Variants in LUC7L2 observed in about 807,000 individuals in gnomAD.
The protein encoded by LUC7L2 is LUC7 like 2, pre-mRNA splicing factor, also known as putative RNA-binding protein Luc7-like 2.
LUC7L2 carries 25 observed loss-of-function variants against 52.8 expected under a neutral mutation model. The observed-to-expected ratio is 0.47, with a 90% CI of 0.34 to 0.66. The LOEUF (loss-of-function observed/expected upper bound fraction) is 0.66. Ranked by LOEUF, LUC7L2 falls within the 30% of genes least tolerant of loss-of-function variation. The probability of loss-of-function intolerance (pLI) is 0.01; values close to 1 mark genes in which losing one functional copy is unlikely to be tolerated. For missense variants in LUC7L2, 328 were observed against 497.8 expected, an observed-to-expected ratio of 0.66 and a Z score of 3.25; for synonymous variants, 144 against 160.9, an observed-to-expected ratio of 0.89 and a Z score of 0.80.
At chr7:139,395,228 G>A (rs1794608323) in intron 2 of LUC7L2, among the ~76,000 whole-genome samples, 1 of 152,212 alleles carries the variant, frequency 6.6e-6, no homozygotes, top group Non-Finnish European at 1.5e-5. Flanking sequence ...GACAATGACA[G>A]CATCCTTCTG....
At chr7:139,360,629 TG>T (rs1799827856) in intron 1 of LUC7L2, among the ~76,000 whole-genome samples, 2 of 152,118 alleles carry the variant, frequency 1.3e-5, no homozygotes, top group Non-Finnish European at 2.9e-5. Flanking sequence ...GTTGCGTAGT[TG>T]GGGGGCCCGT....
chr7:139,391,083 G>A (rs866546103), intron 2 of LUC7L2, among the ~76,000 whole-genome samples: 1 of 152,074 alleles, frequency 6.6e-6, no homozygotes, highest in African/African-American at 2.4e-5. Flanking sequence ...TCAGTTGTCT[G>A]CATTTTTAAA....
At chr7:139,372,277 G>A (rs1800492423) in intron 1 of LUC7L2, among the ~76,000 whole-genome samples, 2 of 151,692 alleles carry the variant, frequency 1.3e-5, no homozygotes, top group African/African-American at 4.8e-5. Flanking sequence ...TAAAAATTTG[G>A]ATTAAAAAAT....
At chr7:139,399,048 C>G (rs1201638882) in intron 3 of LUC7L2, among the ~76,000 whole-genome samples, 1 of 149,318 alleles carries the variant, frequency 6.7e-6, no homozygotes, top group East Asian at 1.9e-4. Flanking sequence ...TTTTTACATT[C>G]ATATTTATTT....
intron 8 of LUC7L2, 128 bp downstream of exon 8, chr7:139,412,708 A>G (rs941810574): frequency 5.3e-6 from 6 of 1,128,924 alleles, no homozygotes; most frequent in Non-Finnish European, 7.3e-6. Context: ...CATGCTTGTA[A>G]TCCCAGCTAC....
intron 4 of LUC7L2, 28 bp downstream of exon 4, chr7:139,402,275 C>T (rs762093230): frequency 2.6e-6 from 4 of 1,547,198 alleles, no homozygotes; most frequent in Non-Finnish European, 2.6e-6. Flanking sequence ...TTCATTAGTA[C>T]AAAGTATTAT....
chr7:139,417,754 A>G lies in LUC7L2; in HGVS notation c.1001+25A>G, dbSNP rs1278977926. Reference sequence around the variant, plus strand: ...GGTATTGATGTGTCAATCAGAGGATATGGAGCTACCTTAATGTTTTAGAGT... The same window carrying G: ...GGTATTGATGTGTCAATCAGAGGATGTGGAGCTACCTTAATGTTTTAGAGT... On this transcript the variant is annotated intron_variant, in intron 9 of 9. Coordinates refer to ENST00000354926, the MANE Select transcript of LUC7L2 (RefSeq NM_016019.5). 4.4e-6 allele frequency: 7 copies of G among 1,604,690 alleles called. No individual in the cohort carries two copies. In the African/African-American group the frequency reaches 8.0e-5, roughly 18 times the overall value.
chr7:139,412,701 G>C, intron 8 of LUC7L2, 121 bp downstream of exon 8: 4 of 1,183,808 alleles, frequency 3.4e-6, no homozygotes, highest in Non-Finnish European at 4.6e-6. Flanking sequence ...GGTGATGCAT[G>C]CTTGTAATCC....
intron 5 of LUC7L2, among the ~76,000 whole-genome samples, chr7:139,406,541 A>AT (rs1795122211): frequency 1.3e-5 from 2 of 151,622 alleles, no homozygotes; most frequent in East Asian, 3.9e-4. Context: ...TTTAGTAGAG[A>AT]TAGGCTTTCA....
chr7:139,415,652 C>T (rs1312173147), intron 8 of LUC7L2, among the ~76,000 whole-genome samples: 2 of 147,590 alleles, frequency 1.4e-5, no homozygotes, highest in Non-Finnish European at 3.0e-5. Flanking sequence ...GCCACCATGT[C>T]CAGCTAATTT....
intron 3 of LUC7L2, among the ~76,000 whole-genome samples, chr7:139,399,504 C>T (rs1794807425): frequency 9.2e-6 from 1 of 108,680 alleles, no homozygotes; most frequent in East Asian, 3.4e-4. Flanking sequence ...GAGTCTCGCT[C>T]TGTAGCCCAG....
chr7:139,393,883 T>TAGGTCCCTGAAG (rs1274036421), intron 2 of LUC7L2, among the ~76,000 whole-genome samples: 5 of 152,226 alleles, frequency 3.3e-5, no homozygotes, highest in Non-Finnish European at 7.3e-5. Flanking sequence ...ACTGTCCCAC[T>TAGGTCCCTGAAG]AGGTCCCTGA....
chr7:139,374,681 T>G, intron 1 of LUC7L2: 1 of 1,303,660 alleles, frequency 7.7e-7, no homozygotes, highest in Non-Finnish European at 9.8e-7. Context: ...TCATTTTAAC[T>G]ATAAATTACT....
At position 139,414,072 on chromosome 7, in the gene LUC7L2, C is replaced by A. The variant is rs1459454616; in HGVS notation, c.809+1492C>A. On this transcript the variant is annotated intron_variant, in intron 8 of 9. Transcript: ENST00000354926. ...GAAATTTAATTTCTATTCCTCTAGTCCTGTTACCTAGATAATATGTTTGCC... is the reference window on the plus strand; with the variant it reads ...GAAATTTAATTTCTATTCCTCTAGTACTGTTACCTAGATAATATGTTTGCC... Among the ~76,000 whole-genome samples the A allele has an allele frequency of 5.9e-5, 9 of 152,158 alleles. 1 individual carries two copies. Among genetic ancestry groups the A allele is most frequent in the Admixed American group, 5.9e-4 (9 of 15,274 alleles).
upstream of LUC7L2, chr7:139,359,659 A>G (rs773600370): frequency 5.3e-5 from 21 of 397,650 alleles, no homozygotes; most frequent in Non-Finnish European, 7.5e-5. Context: ...CCAGCCCTAC[A>G]GCCGGGAGGG....
chr7:139,374,995 C>T, intron 1 of LUC7L2: 1 of 985,532 alleles, frequency 1.0e-6, no homozygotes, highest in Non-Finnish European at 1.2e-6. Flanking sequence ...ACCAATAGTT[C>T]TTGCTTCAGT....
chr7:139,351,244 C>CAATGTGTGCA (rs1369140011), intron 1 of LUC7L2, among the ~76,000 whole-genome samples: 1 of 152,178 alleles, frequency 6.6e-6, no homozygotes, highest in African/African-American at 2.4e-5. Flanking sequence ...ATCTCAAATT[C>CAATGTGTGCA]AATGTGTGCG....
Position 139,360,251 on chromosome 7 carries a change from ACGCCGCCGCCATGTCGG to A in LUC7L2, c.-7_10del, listed in dbSNP as rs1311327892. 6.5e-7 allele frequency: 1 copy of A among 1,549,190 alleles called. No homozygotes were observed. The highest frequency in any genetic ancestry group is 8.7e-7 in the Non-Finnish European group (1 of 1,148,032). On this transcript the variant is annotated start_lost and 5_prime_UTR_variant, in exon 1 of 10. Coordinates refer to ENST00000354926, the MANE Select transcript of LUC7L2 (RefSeq NM_016019.5). The stretch of plus-strand genomic sequence containing the variant: ...CCCCACCCCCGCCCGTCCGCCCGCT[ACGCCGCCGCCATGTCGG>A]CGCAGGCCCAGATGCGCGCGATGCT...
chr7:139,394,892 C>G (rs1794594085), intron 2 of LUC7L2, among the ~76,000 whole-genome samples: 1 of 152,152 alleles, frequency 6.6e-6, no homozygotes, highest in Admixed American at 6.6e-5. Context: ...GGGACTAAAA[C>G]TAGATCAGTG....
Sources: gnomAD v4.1 joint callset for allele counts (sites outside exome capture counted in the v4.1 genomes callset) on GRCh38, gnomAD v4.1.1 for gene constraint, MANE v1.5 for transcripts, NCBI Gene and HGNC (gene_info 2026-07-23, HGNC 2026-07-21) for gene names.